Variants in CSMD1 observed in about 807,000 individuals in gnomAD.
The protein encoded by CSMD1 is CUB and sushi domain-containing protein 1.
Under a neutral mutation model 417.5 loss-of-function variants are expected in CSMD1, and 213 were observed. That is an observed-to-expected ratio of 0.51 (90% confidence interval 0.46 to 0.57). CSMD1 has a LOEUF of 0.57. CSMD1 is among the 20% of genes least tolerant of loss of function. CSMD1 has a pLI of 0.00. For missense variants in CSMD1, 6,923 were observed against 4,529.7 expected (o/e 1.53, Z -15.17); for synonymous variants, 2,862 against 1,736.8 (o/e 1.65, Z -16.11).
At chr8:4,031,507 G>T (rs1016830739) in intron 4 of CSMD1, among the ~76,000 whole-genome samples, 1 of 152,130 alleles carries the variant, frequency 6.6e-6, no homozygotes, top group African/African-American at 2.4e-5. Flanking sequence ...CCTTCTACCA[G>T]GTTCCTCCCA....
chr8:4,159,724 G>C (rs868161732), intron 3 of CSMD1, among the ~76,000 whole-genome samples: 4 of 152,156 alleles, frequency 2.6e-5, no homozygotes, highest in African/African-American at 7.2e-5. Flanking sequence ...GAGCAGCTGG[G>C]ACTACAGGTG....
At chr8:4,143,786 G>T (rs942434331) in intron 3 of CSMD1, among the ~76,000 whole-genome samples, 1 of 151,218 alleles carries the variant, frequency 6.6e-6, no homozygotes, top group Non-Finnish European at 1.5e-5. Flanking sequence ...GGGTGGGAGG[G>T]GGCCCAAGCA....
intron 6 of CSMD1, among the ~76,000 whole-genome samples, chr8:3,710,314 G>A (rs778519974): frequency 1.3e-5 from 2 of 151,962 alleles, no homozygotes; most frequent in African/African-American, 2.4e-5. Flanking sequence ...ACACACTCAG[G>A]CACACACACA....
chr8:3,304,528 A>G (rs1804664258), intron 25 of CSMD1, among the ~76,000 whole-genome samples: 1 of 152,148 alleles, frequency 6.6e-6, no homozygotes, highest in Non-Finnish European at 1.5e-5. Flanking sequence ...TTGTCAATTG[A>G]GGAAATTAAG....
chr8:3,048,906 C>G (rs570081957), intron 50 of CSMD1, among the ~76,000 whole-genome samples: 1 of 149,932 alleles, frequency 6.7e-6, no homozygotes, highest in African/African-American at 2.4e-5. Context: ...AACAACCTGG[C>G]TAAAAATGGG....
chr8:4,626,301 C>T (rs184115562), intron 2 of CSMD1, among the ~76,000 whole-genome samples: 5 of 151,946 alleles, frequency 3.3e-5, no homozygotes, highest in African/African-American at 7.2e-5. Context: ...CTGTTCATTG[C>T]GGGGGGCTGT....
chr8:3,728,737 T>C (rs1195088524), intron 6 of CSMD1, among the ~76,000 whole-genome samples: 3 of 152,204 alleles, frequency 2.0e-5, no homozygotes, highest in Admixed American at 2.0e-4. Flanking sequence ...GCATGGTCTG[T>C]CTTAAGTTAT....
chr8:3,545,523 G>A (rs747266040), intron 10 of CSMD1, among the ~76,000 whole-genome samples: 2 of 152,064 alleles, frequency 1.3e-5, no homozygotes, highest in Admixed American at 6.6e-5. Context: ...CATACTGTTC[G>A]GTATAATTTC....
At chr8:4,826,114 T>C (rs76046902) in intron 1 of CSMD1, among the ~76,000 whole-genome samples, 1,873 of 152,160 alleles carry the variant, frequency 0.012, 43 homozygotes, top group African/African-American at 0.044. Flanking sequence ...TACCACATGA[T>C]TCAGAAATGT....
chr8:3,112,281 C>T (rs1816564645), intron 42 of CSMD1, among the ~76,000 whole-genome samples: 2 of 152,274 alleles, frequency 1.3e-5, no homozygotes, highest in South Asian at 4.2e-4. Flanking sequence ...CAGGTGACTC[C>T]GTGCTAGTAA....
At chr8:4,973,940 G>C (rs899419835) in intron 1 of CSMD1, among the ~76,000 whole-genome samples, 2 of 152,166 alleles carry the variant, frequency 1.3e-5, no homozygotes, top group Admixed American at 6.5e-5. Flanking sequence ...AAAAGGAAAA[G>C]TAATTTTTAC....
At chr8:4,431,788 G>A (rs1045734907) in intron 2 of CSMD1, among the ~76,000 whole-genome samples, 3 of 152,092 alleles carry the variant, frequency 2.0e-5, no homozygotes, top group South Asian at 2.1e-4. Flanking sequence ...TAGAAATGTA[G>A]CAAATGCTTA....
intron 2 of CSMD1, among the ~76,000 whole-genome samples, chr8:4,510,536 C>T (rs542953601): frequency 2.0e-5 from 3 of 151,814 alleles, no homozygotes; most frequent in South Asian, 2.1e-4. Context: ...CTCTTCCCTA[C>T]TCAAAGCAAT....
chr8:3,417,807 A>C (rs1236621119), intron 12 of CSMD1, among the ~76,000 whole-genome samples: 1 of 151,608 alleles, frequency 6.6e-6, no homozygotes, highest in African/African-American at 2.4e-5. Context: ...ATTGCAGCAC[A>C]TAAATGGAAG....
At chr8:3,039,345 G>A (rs536743851) in intron 50 of CSMD1, among the ~76,000 whole-genome samples, 25 of 115,060 alleles carry the variant, frequency 2.2e-4, no homozygotes, top group Non-Finnish European at 1.7e-4. Flanking sequence ...CTTCCTTTCC[G>A]CCTTCCTTCC....
intron 1 of CSMD1, among the ~76,000 whole-genome samples, chr8:4,664,834 C>G (rs73509098): frequency 0.017 from 2,563 of 152,136 alleles, 84 homozygotes; most frequent in African/African-American, 0.057. Context: ...GTATGCATTT[C>G]AAATGGATTA....
intron 1 of CSMD1, among the ~76,000 whole-genome samples, chr8:4,641,328 C>T (rs117144027): frequency 7.5e-4 from 114 of 152,162 alleles, no homozygotes; most frequent in Non-Finnish European, 1.4e-3. Context: ...CTAAAGTAAT[C>T]AGCAGAATGT....
chr8:4,119,140 T>A (rs1172342208), intron 3 of CSMD1, among the ~76,000 whole-genome samples: 1 of 152,002 alleles, frequency 6.6e-6, no homozygotes, highest in Non-Finnish European at 1.5e-5. Context: ...ACCTAATGCA[T>A]GTCGGGCTTA....
intron 6 of CSMD1, among the ~76,000 whole-genome samples, chr8:3,732,895 C>G (rs1053785378): frequency 5.3e-5 from 8 of 152,022 alleles, no homozygotes; most frequent in African/African-American, 1.9e-4. Flanking sequence ...ATCCATCTAT[C>G]ATCTATCTAT....
Sources: gnomAD v4.1 joint callset for allele counts (sites outside exome capture counted in the v4.1 genomes callset) on GRCh38, gnomAD v4.1.1 for gene constraint, MANE v1.5 for transcripts, NCBI Gene and HGNC (gene_info 2026-07-23, HGNC 2026-07-21) for gene names.